RBM27: variants seen among roughly 807,000 people sequenced by gnomAD.
RBM27 encodes the protein RNA binding motif protein 27.
RBM27 carries 22 observed loss-of-function variants against 135.3 expected under a neutral mutation model. That is an observed-to-expected ratio of 0.16 (90% CI 0.12 to 0.23). RBM27 has a LOEUF of 0.23. Among genes scored for constraint, RBM27 ranks in the 10% least tolerant of loss-of-function variants. RBM27 has a pLI of 1.00. For missense variants in RBM27, 1,009 were observed against 1,281.0 expected (o/e 0.79, Z 3.24); for synonymous variants, 481 against 442.4 (o/e 1.09, Z -1.10).
At chr5:146,270,836 T>G in intron 17 of RBM27, 118 bp from the exon 18 acceptor site, 1 of 602,798 alleles carries the variant, frequency 1.7e-6, no homozygotes, top group South Asian at 2.1e-5. Context: ...CCATGTTTAT[T>G]GCATCCTCTC....
chr5:146,276,076 TTC>T (rs1244176418), intron 19 of RBM27, among the ~76,000 whole-genome samples: 16 of 152,154 alleles, frequency 1.1e-4, no homozygotes, highest in Admixed American at 3.3e-4. Context: ...TAGTTTTTTT[TTC>T]TTTTTTTAAA....
intron 3 of RBM27, among the ~76,000 whole-genome samples, chr5:146,225,668 C>T (rs759282280): frequency 5.3e-5 from 8 of 151,188 alleles, no homozygotes; most frequent in East Asian, 2.0e-4. Context: ...TGGGTTCAAG[C>T]GATTCTCCTG....
chr5:146,258,617 G>A, intron 11 of RBM27, 24 bp downstream of exon 11: 3 of 1,503,694 alleles, frequency 2.0e-6, no homozygotes, highest in Non-Finnish European at 2.7e-6. Context: ...CTAATTAGTA[G>A]CATCTAATTG....
intron 9 of RBM27, among the ~76,000 whole-genome samples, chr5:146,252,763 AG>A (rs1757951964): frequency 6.6e-6 from 1 of 152,234 alleles, no homozygotes; most frequent in Admixed American, 6.5e-5. Flanking sequence ...CAACTATGTT[AG>A]ATTTACTTTT....
chr5:146,268,543 A>G (rs565447591), intron 15 of RBM27, among the ~76,000 whole-genome samples: 5 of 151,796 alleles, frequency 3.3e-5, no homozygotes, highest in Admixed American at 1.3e-4. Flanking sequence ...TGCCCGGCCT[A>G]CTCTATCATT....
intron 8 of RBM27, among the ~76,000 whole-genome samples, chr5:146,241,622 C>T (rs1310137545): frequency 6.6e-6 from 1 of 152,186 alleles, no homozygotes; most frequent in Non-Finnish European, 1.5e-5. Context: ...CAAGGCCCAC[C>T]TAATTTTTGT....
chr5:146,269,218 G>A lies in RBM27; in HGVS notation c.2463G>A (p.Lys821=), dbSNP rs1758756384. 1 of 1,603,164 alleles carries A rather than the reference G, an allele frequency of 6.2e-7. No homozygotes were observed. The highest frequency in any genetic ancestry group is 8.5e-7 in the Non-Finnish European group (1 of 1,173,728). ...EVLKKKQEAM[K]LQQDMRKKRQ... Reference sequence around the variant, plus strand: ...TTTTACTTATACAGGAAGCAATGAAGTTACAACAAGATATGAGGAAAAAAA... The same window carrying A: ...TTTTACTTATACAGGAAGCAATGAAATTACAACAAGATATGAGGAAAAAAA... The change falls in exon 16 of 21, where the codon AAG becomes AAA. Residue 821 remains lysine, a synonymous_variant. Transcript: ENST00000265271.
chr5:146,248,623 G>A (rs920029934), intron 8 of RBM27, among the ~76,000 whole-genome samples: 4 of 152,004 alleles, frequency 2.6e-5, no homozygotes, highest in Admixed American at 6.6e-5. Context: ...GCACCACTAC[G>A]CCTGGCTAAT....
intron 19 of RBM27, 72 bp from the exon 20 acceptor site, chr5:146,284,550 T>A: frequency 1.0e-6 from 1 of 962,242 alleles, no homozygotes; most frequent in South Asian, 1.3e-5. Context: ...ACTTTTTAAA[T>A]AACACAGAAT....
intron 13 of RBM27, among the ~76,000 whole-genome samples, chr5:146,263,135 T>C (rs965561065): frequency 1.3e-5 from 2 of 152,240 alleles, no homozygotes; most frequent in African/African-American, 2.4e-5. Context: ...CCACCCACCT[T>C]GGCCTCCCAA....
intron 14 of RBM27, among the ~76,000 whole-genome samples, chr5:146,265,794 A>G (rs1162888779): frequency 6.6e-6 from 1 of 152,226 alleles, no homozygotes; most frequent in East Asian, 1.9e-4. Flanking sequence ...GAGGAATTAC[A>G]CTGATGTCCT....
At chr5:146,280,741 C>A (rs1759306822) in intron 19 of RBM27, among the ~76,000 whole-genome samples, 1 of 152,204 alleles carries the variant, frequency 6.6e-6, no homozygotes, top group African/African-American at 2.4e-5. Flanking sequence ...CACACAGTTG[C>A]CAGTCCCCTC....
At chr5:146,244,189 A>C (rs1757522872) in intron 8 of RBM27, among the ~76,000 whole-genome samples, 1 of 152,198 alleles carries the variant, frequency 6.6e-6, no homozygotes, top group Admixed American at 6.5e-5. Context: ...TAGGATATAC[A>C]TGGTTCCTGG....
At chr5:146,283,813 G>A (rs1214349150) in intron 19 of RBM27, among the ~76,000 whole-genome samples, 1 of 152,170 alleles carries the variant, frequency 6.6e-6, no homozygotes, top group Non-Finnish European at 1.5e-5. Flanking sequence ...CAATGATTTT[G>A]CTAGATAGAC....
At position 146,271,098 on chromosome 5, in the gene RBM27, G is replaced by A. The variant is rs759242982; in HGVS notation, c.2796+40G>A. On this transcript the variant is annotated intron_variant, in intron 18 of 20. Coordinates refer to ENST00000265271, the MANE Select transcript of RBM27 (RefSeq NM_018989.2). The stretch of plus-strand genomic sequence containing the variant: ...GAGTTAGCGCCCCACCACATTTAAC[G>A]TCTCAAAAAAGTTTTCCTTTGACCG... 76 of 1,518,866 alleles carry A rather than the reference G, an allele frequency of 5.0e-5. 1 individual carries two copies. In the Middle Eastern group the frequency reaches 5.1e-4, roughly 10 times the overall value. The allele number at this position is 1,518,866 out of a possible 1,614,324, so 94.1% of individuals were successfully genotyped here.
chr5:146,239,116 C>G (rs1226105462), intron 8 of RBM27, among the ~76,000 whole-genome samples: 2 of 152,112 alleles, frequency 1.3e-5, no homozygotes, highest in Non-Finnish European at 2.9e-5. Context: ...GGAGTAACAC[C>G]CACCTAATAC....
At chr5:146,210,418 A>G (rs1755882002) in intron 1 of RBM27, among the ~76,000 whole-genome samples, 1 of 152,140 alleles carries the variant, frequency 6.6e-6, no homozygotes, top group Admixed American at 6.6e-5. Context: ...CATGATACTC[A>G]TTCATGAAAG....
chr5:146,233,633 C>T lies in RBM27; in HGVS notation c.1034C>T (p.Pro345Leu), dbSNP rs1465850418. 1 of 1,604,490 alleles carries T rather than the reference C, an allele frequency of 6.2e-7. No homozygotes were observed. Among genetic ancestry groups the T allele is most frequent in the Non-Finnish European group, 8.5e-7 (1 of 1,176,568 alleles). ...CCAGGTCCAGGCCCAGGCCCGGGCC[C>T]AGGTCCAGGCCCAGGCCCGGGCCCA... ...PMPGPGPGPG[P>L]GPGPGPGPGP... is the part of the protein sequence containing the mutation. Residue 345 changes from proline to leucine, a missense_variant, in exon 7 of 21, where the codon CCA becomes CTA. By Grantham distance (98) the Pro-to-Leu change is moderately conservative (BLOSUM62 -3). Around this residue, in one of 6 missense-constraint regions of RBM27, gnomAD observed 329 missense variants for 368.1 expected, o/e 0.89. Transcript: ENST00000265271.
chr5:146,225,352 T>C (rs1756626096), intron 3 of RBM27, among the ~76,000 whole-genome samples: 1 of 152,206 alleles, frequency 6.6e-6, no homozygotes. Flanking sequence ...TCATTTCCGA[T>C]TCATTTTTAA....
Sources: allele counts gnomAD v4.1 joint callset (sites outside exome capture counted in the v4.1 genomes callset), GRCh38; gene constraint gnomAD v4.1.1; regional missense constraint gnomAD v4.1.1; transcripts MANE v1.5; gene names NCBI Gene and HGNC (gene_info 2026-07-23, HGNC 2026-07-21).